The following NLGN1 variants were observed in gnomAD, a reference collection of about 807,000 sequenced individuals.
The protein encoded by NLGN1 is neuroligin-1.
Under a neutral mutation model 65.5 loss-of-function variants are expected in NLGN1, and 12 were observed. The observed-to-expected ratio is 0.18, with a 90% CI of 0.12 to 0.30. The LOEUF is 0.30. NLGN1 is among the 10% of genes least tolerant of loss of function. The probability of loss-of-function intolerance (pLI) is 1.00; values close to 1 mark genes in which losing one functional copy is unlikely to be tolerated. For synonymous variants in NLGN1, 350 were observed against 359.5 expected, an observed-to-expected ratio of 0.97 and a Z score of 0.30; for missense variants, 750 against 1,007.1, an observed-to-expected ratio of 0.74 and a Z score of 3.46.
At chr3:173,882,046 A>G (rs1578966936) in intron 4 of NLGN1, among the ~76,000 whole-genome samples, 1 of 152,206 alleles carries the variant, frequency 6.6e-6, no homozygotes, top group East Asian at 1.9e-4. Context: ...GTTAGCAGGC[A>G]TAAAAACAAT....
At chr3:173,500,844 A>G (rs1198114303) in intron 2 of NLGN1, among the ~76,000 whole-genome samples, 19 of 151,768 alleles carry the variant, frequency 1.3e-4, no homozygotes, top group Admixed American at 9.2e-4. Flanking sequence ...CTTATGCTTC[A>G]CAACACTGAG....
chr3:173,906,868 C>G (rs554966385), intron 4 of NLGN1, among the ~76,000 whole-genome samples: 101 of 68,074 alleles, frequency 1.5e-3, no homozygotes, highest in Non-Finnish European at 2.6e-3. Flanking sequence ...TTTAAACAAA[C>G]AAACAAAAAC....
chr3:173,867,005 T>A (rs528617703), intron 4 of NLGN1, among the ~76,000 whole-genome samples: 1 of 152,298 alleles, frequency 6.6e-6, no homozygotes, highest in East Asian at 1.9e-4. Context: ...GTGTATGGCT[T>A]AAAACAGCCA....
chr3:174,273,711 A>T (rs527743683), intron 4 of NLGN1, among the ~76,000 whole-genome samples: 1 of 151,804 alleles, frequency 6.6e-6, no homozygotes, highest in East Asian at 1.9e-4. Flanking sequence ...CATTTTCAGG[A>T]TTCCACAAAC....
At chr3:174,228,433 C>G (rs1275326409) in intron 4 of NLGN1, among the ~76,000 whole-genome samples, 1 of 152,052 alleles carries the variant, frequency 6.6e-6, no homozygotes, top group Non-Finnish European at 1.5e-5. Context: ...TCCCCAAAGG[C>G]ACGTATTTGC....
intron 2 of NLGN1, among the ~76,000 whole-genome samples, chr3:173,561,089 AC>A (rs1316740825): frequency 6.6e-6 from 1 of 152,126 alleles, no homozygotes; most frequent in East Asian, 1.9e-4. Context: ...AGTCCACAAC[AC>A]CCCAGAACTA....
At chr3:173,546,034 G>A (rs886783531) in intron 2 of NLGN1, among the ~76,000 whole-genome samples, 1 of 152,092 alleles carries the variant, frequency 6.6e-6, no homozygotes, top group African/African-American at 2.4e-5. Flanking sequence ...CATGGCACGT[G>A]TATACCTATG....
chr3:173,733,593 C>T (rs1773219394), intron 3 of NLGN1, among the ~76,000 whole-genome samples: 1 of 152,052 alleles, frequency 6.6e-6, no homozygotes, highest in Non-Finnish European at 1.5e-5. Context: ...CACTTTTTCT[C>T]CTGGGTAAGA....
intron 4 of NLGN1, among the ~76,000 whole-genome samples, chr3:174,244,404 T>G (rs1577554082): frequency 6.6e-6 from 1 of 152,216 alleles, no homozygotes; most frequent in Admixed American, 6.5e-5. Context: ...TAAGAATCTT[T>G]CCTCTCTTTA....
chr3:173,947,139 G>A (rs529997354), intron 4 of NLGN1, among the ~76,000 whole-genome samples: 3 of 142,254 alleles, frequency 2.1e-5, no homozygotes, highest in Non-Finnish European at 3.0e-5. Context: ...TCGGCTCACC[G>A]CAACCTCTGC....
chr3:173,911,163 C>T (rs1048311603), intron 4 of NLGN1, among the ~76,000 whole-genome samples: 2 of 152,160 alleles, frequency 1.3e-5, no homozygotes, highest in African/African-American at 4.8e-5. Context: ...ATCCCCCAAA[C>T]AATAAAAATG....
Position 173,802,692 on chromosome 3 carries a change from C to T in NLGN1, c.494-4988C>T, listed in dbSNP as rs17323076. The stretch of plus-strand genomic sequence containing the variant: ...GATAAGTAACTTCATTTACATCAGT[C>T]AGAAGTCAGGTCATCAGATCACTTA... On this transcript the variant is annotated intron_variant, in intron 3 of 6. Transcript: ENST00000457714. Among the ~76,000 whole-genome samples the T allele has an allele frequency of 5.2e-3, 793 of 152,230 alleles. 4 individuals are homozygous for T. Among genetic ancestry groups the T allele is most frequent in the Admixed American group, 9.0e-3 (138 of 15,284 alleles).
intron 1 of NLGN1, among the ~76,000 whole-genome samples, chr3:173,415,682 A>C (rs947215665): frequency 6.6e-6 from 1 of 152,170 alleles, no homozygotes; most frequent in Non-Finnish European, 1.5e-5. Flanking sequence ...TATACTATTA[A>C]ACTCTATATG....
chr3:173,928,734 C>T (rs1008718103), intron 4 of NLGN1, among the ~76,000 whole-genome samples: 8 of 149,278 alleles, frequency 5.4e-5, no homozygotes, highest in Non-Finnish European at 1.2e-4. Context: ...TACAATGGCA[C>T]GATCTCGGCT....
At chr3:173,652,539 T>C (rs1287384931) in intron 3 of NLGN1, among the ~76,000 whole-genome samples, 1 of 152,128 alleles carries the variant, frequency 6.6e-6, no homozygotes, top group Non-Finnish European at 1.5e-5. Context: ...TACGTTTTTG[T>C]CAATCTGTTG....
intron 4 of NLGN1, among the ~76,000 whole-genome samples, chr3:174,047,512 T>C (rs1306578791): frequency 1.3e-5 from 2 of 152,016 alleles, no homozygotes; most frequent in East Asian, 3.9e-4. Context: ...CTTGAGAAAG[T>C]TGAAAAAATA....
At chr3:174,169,753 C>T (rs73035627) in intron 4 of NLGN1, among the ~76,000 whole-genome samples, 200 of 152,200 alleles carry the variant, frequency 1.3e-3, no homozygotes, top group African/African-American at 4.7e-3. Flanking sequence ...CGAGTCTCAC[C>T]ACCCAGGAGA....
intron 4 of NLGN1, among the ~76,000 whole-genome samples, chr3:173,924,585 T>C (rs1408695740): frequency 6.7e-6 from 1 of 149,876 alleles, no homozygotes; most frequent in Non-Finnish European, 1.5e-5. Flanking sequence ...GTCACCCCAC[T>C]GCAATTCAGC....
chr3:173,995,375 T>A (rs1317578453), intron 4 of NLGN1, among the ~76,000 whole-genome samples: 4 of 152,164 alleles, frequency 2.6e-5, no homozygotes, highest in Non-Finnish European at 5.9e-5. Flanking sequence ...CACTCCTCAG[T>A]TCTTGAGTTA....
Sources: gnomAD v4.1 joint callset for allele counts (sites outside exome capture counted in the v4.1 genomes callset) on GRCh38, gnomAD v4.1.1 for gene constraint, MANE v1.5 for transcripts, NCBI Gene and HGNC (gene_info 2026-07-23, HGNC 2026-07-21) for gene names.